The following RAD23B variants were observed in gnomAD, a reference collection of about 807,000 sequenced individuals.
The protein encoded by RAD23B is RAD23 nucleotide excision repair protein B, also known as lysine-specific demethylase RAD23B.
Under a neutral mutation model 49.1 loss-of-function variants are expected in RAD23B, and 5 were observed. The ratio of observed to expected loss-of-function variants is 0.10; its 90% CI spans 0.05 to 0.21. RAD23B has a LOEUF of 0.21. Among genes scored for constraint, RAD23B ranks in the 10% least tolerant of loss-of-function variants. RAD23B has a pLI of 1.00. For missense variants in RAD23B, 356 were observed against 486.7 expected, an observed-to-expected ratio of 0.73 and a Z score of 2.53; for synonymous variants, 184 against 165.4, an observed-to-expected ratio of 1.11 and a Z score of -0.86.
At chr9:107,321,884 A>T (rs1357943780) in intron 6 of RAD23B, 99 bp from the exon 7 acceptor site, 2 of 1,250,842 alleles carry the variant, frequency 1.6e-6, no homozygotes, top group African/African-American at 3.1e-5. Context: ...ATGCTTTTGA[A>T]AATCAAACAA....
chr9:107,290,854 A>G (rs1330099531), intron 1 of RAD23B, among the ~76,000 whole-genome samples: 1 of 152,232 alleles, frequency 6.6e-6, no homozygotes, highest in African/African-American at 2.4e-5. Context: ...GTGTAAAATC[A>G]ATGAACAAGG....
At chr9:107,297,029 AT>A (rs914260259) in intron 1 of RAD23B, among the ~76,000 whole-genome samples, 20 of 150,558 alleles carry the variant, frequency 1.3e-4, no homozygotes, top group African/African-American at 4.6e-4. Context: ...TAATTTTTTT[AT>A]TTCAGTAGAG....
chr9:107,316,036 A>G (rs7036593), intron 5 of RAD23B, among the ~76,000 whole-genome samples: 8,256 of 150,704 alleles, frequency 0.055, 684 homozygotes, highest in African/African-American at 0.19. Context: ...TTTTGGAGAC[A>G]GTCTTGCTCT....
chr9:107,313,597 A>G (rs994461997), intron 5 of RAD23B, among the ~76,000 whole-genome samples: 3 of 152,222 alleles, frequency 2.0e-5, no homozygotes, highest in African/African-American at 7.2e-5. Flanking sequence ...TCATAGTTCA[A>G]AGTTTAAATT....
At chr9:107,286,897 C>A (rs567929962) in intron 1 of RAD23B, among the ~76,000 whole-genome samples, 1 of 151,932 alleles carries the variant, frequency 6.6e-6, no homozygotes, top group East Asian at 1.9e-4. Flanking sequence ...ACGGTGAAAC[C>A]CCGTCTCTAC....
chr9:107,286,933 G>C (rs1296856626), intron 1 of RAD23B, among the ~76,000 whole-genome samples: 2 of 152,116 alleles, frequency 1.3e-5, no homozygotes, highest in Non-Finnish European at 2.9e-5. Context: ...AAATTAGACG[G>C]ACGTGGTGGC....
rs1039142546 is a variant in RAD23B at position 107,306,632 on chromosome 9, C to T, written c.482C>T (p.Pro161Leu). 6.2e-7 allele frequency: 1 copy of T among 1,613,686 alleles called. No homozygotes were observed. ...KPAETPVATS[P>L]TATDSTSGDS... ...GCAGAGACACCAGTGGCTACTAGCC[C>T]AACAGCAACTGACAGGTAGGAACTG... Residue 161 changes from proline to leucine, a missense_variant, in exon 4 of 10, where the codon CCA becomes CTA. Physicochemically the swap from Pro to Leu is moderately conservative, Grantham distance 98. Around this residue, in one of 5 missense-constraint regions of RAD23B, gnomAD observed 137 missense variants for 122.0 expected, o/e 1.12. Transcript: ENST00000358015.
rs56891354 is a variant in RAD23B at position 107,319,128 on chromosome 9, C to CTTTTTTTTTT, written c.681+260_681+269dup. On this transcript the variant is annotated intron_variant, in intron 6 of 9. Transcript: ENST00000358015. ...TATTCAGAACAAAAATTTCTTTTTTCTTTTTTTTTTTTTTTTTTTTGAGAC... is the reference window on the plus strand; with the variant it reads ...TATTCAGAACAAAAATTTCTTTTTTCTTTTTTTTTTTTTTTTTTTTTTTTTTTTTTGAGAC... 4.8e-3 allele frequency among the ~76,000 whole-genome samples: 471 copies of CTTTTTTTTTT among 97,768 alleles called. 11 individuals carry two copies. Among genetic ancestry groups the CTTTTTTTTTT allele is most frequent in the African/African-American group, 0.011 (273 of 25,066 alleles). The allele number at this position is 97,768 out of a possible 152,430, so 64.1% of individuals were successfully genotyped here. A position where few individuals can be genotyped will look rare whatever the true frequency, so the allele number is the denominator to read the frequency against.
intron 6 of RAD23B, among the ~76,000 whole-genome samples, chr9:107,320,831 A>G (rs2133093824): frequency 6.6e-6 from 1 of 152,310 alleles, no homozygotes; most frequent in East Asian, 1.9e-4. Flanking sequence ...TAACTCATTC[A>G]AAAACATTGG....
intron 1 of RAD23B, among the ~76,000 whole-genome samples, chr9:107,295,516 TAGAC>T (rs1826493889): frequency 6.6e-6 from 1 of 152,176 alleles, no homozygotes; most frequent in African/African-American, 2.4e-5. Context: ...GCAACAAAGT[TAGAC>T]AAAGATGAAA....
In RAD23B at chr9:107,330,851, T is replaced by C. The variant is rs1168577039; in HGVS notation, c.*1195T>C. 6.6e-6 allele frequency: 1 copy of C among 152,630 alleles called. No individual in the cohort carries two copies. Among genetic ancestry groups the C allele is most frequent in the African/African-American group, 2.4e-5 (1 of 41,456 alleles). 9.5% of individuals were successfully genotyped at this position (152,630 alleles called of 1,614,324 possible). ...GGAAAGTACTTTGGAAAATATACAATCAAGATATCTCATGGCATATTAAAA... is the reference window on the plus strand; with the variant it reads ...GGAAAGTACTTTGGAAAATATACAACCAAGATATCTCATGGCATATTAAAA... On this transcript the variant is annotated 3_prime_UTR_variant, in exon 10 of 10. Coordinates refer to ENST00000358015, the MANE Select transcript of RAD23B (RefSeq NM_002874.5). The surrounding 1 kb of genome is among the most constrained non-coding windows in gnomAD (Gnocchi z 4.4).
intron 5 of RAD23B, among the ~76,000 whole-genome samples, chr9:107,314,730 G>T (rs954188029): frequency 1.3e-5 from 2 of 152,156 alleles, no homozygotes; most frequent in African/African-American, 4.8e-5. Flanking sequence ...CTGTTTTTAA[G>T]TTCTTTCAGA....
chr9:107,305,861 G>A (rs1241356978), intron 3 of RAD23B, among the ~76,000 whole-genome samples: 1 of 151,588 alleles, frequency 6.6e-6, no homozygotes, highest in Non-Finnish European at 1.5e-5. Context: ...TGTAATCCTA[G>A]CGCTTTGGGA....
At chr9:107,321,487 T>C (rs1827110913) in intron 6 of RAD23B, among the ~76,000 whole-genome samples, 1 of 140,176 alleles carries the variant, frequency 7.1e-6, no homozygotes, top group African/African-American at 2.9e-5. Context: ...CAAGTGTGCA[T>C]CAAAACCTCT....
intron 2 of RAD23B, 84 bp from the exon 3 acceptor site, chr9:107,301,951 A>G: frequency 2.0e-6 from 3 of 1,520,116 alleles, no homozygotes; most frequent in South Asian, 1.2e-5. Flanking sequence ...TGAAATATTC[A>G]TATTTCGAGT....
At chr9:107,312,791 T>A (rs1295781174) in intron 5 of RAD23B, among the ~76,000 whole-genome samples, 2 of 152,058 alleles carry the variant, frequency 1.3e-5, no homozygotes, top group Non-Finnish European at 2.9e-5. Context: ...CAGTAAACTG[T>A]CTGTGGCCTC....
chr9:107,307,459 A>G (rs1826802231), intron 4 of RAD23B, among the ~76,000 whole-genome samples: 2 of 152,214 alleles, frequency 1.3e-5, no homozygotes, highest in Non-Finnish European at 1.5e-5. Flanking sequence ...ATCTAAGAGC[A>G]TGAGTTATAT....
At position 107,331,724 on chromosome 9, in the gene RAD23B, A is replaced by G. The variant is rs892853548; in HGVS notation, c.*2068A>G. 3 of 777,626 alleles carry G rather than the reference A, an allele frequency of 3.9e-6. No homozygotes were observed. Among genetic ancestry groups the G allele is most frequent in the Non-Finnish European group, 4.8e-6 (2 of 417,586 alleles). 48.2% of individuals were successfully genotyped at this position (777,626 alleles called of 1,614,324 possible). On this transcript the variant is annotated 3_prime_UTR_variant, in exon 10 of 10. Coordinates refer to ENST00000358015, the MANE Select transcript of RAD23B (RefSeq NM_002874.5). The stretch of plus-strand genomic sequence containing the variant: ...AAACAGCCTCTTCTTGGAAAGTGAC[A>G]GCAGAAGGTGGCATGGAGCTTGTGT...
chr9:107,311,660 T>C (rs772390908), intron 4 of RAD23B, 22 bp from the exon 5 acceptor site: 2 of 1,555,040 alleles, frequency 1.3e-6, no homozygotes, highest in Non-Finnish European at 1.7e-6. Context: ...TAAAATGTGA[T>C]TTTTCTAAAA....
Sources: gnomAD v4.1 joint callset for allele counts (sites outside exome capture counted in the v4.1 genomes callset) on GRCh38, gnomAD v4.1.1 for gene constraint, gnomAD v4.1.1 regional missense constraint, Gnocchi (gnomAD v3.1) non-coding constraint, MANE v1.5 for transcripts, NCBI Gene and HGNC (gene_info 2026-07-23, HGNC 2026-07-21) for gene names.